The following FSTL5 variants were observed in gnomAD, a reference collection of about 807,000 sequenced individuals.
FSTL5 encodes the protein follistatin like 5.
FSTL5 carries 62 observed loss-of-function variants against 89.1 expected under a neutral mutation model. The observed-to-expected ratio is 0.70, with a 90% confidence interval of 0.57 to 0.86. The LOEUF (loss-of-function observed/expected upper bound fraction) is 0.86. Ranked by LOEUF, FSTL5 falls within the 40% of genes least tolerant of loss-of-function variation. FSTL5 has a pLI of 0.00. For missense variants in FSTL5, 1,057 were observed against 1,001.6 expected (o/e 1.06, Z -0.75); for synonymous variants, 383 against 346.2 (o/e 1.11, Z -1.18).
chr4:162,153,209 C>T (rs993849638), intron 1 of FSTL5, among the ~76,000 whole-genome samples: 6 of 152,028 alleles, frequency 3.9e-5, no homozygotes, highest in Non-Finnish European at 8.8e-5. Flanking sequence ...TTACTAATGT[C>T]ATGTCTTCTC....
intron 12 of FSTL5, among the ~76,000 whole-genome samples, chr4:161,485,434 G>C (rs557481427): frequency 6.6e-6 from 1 of 152,294 alleles, no homozygotes; most frequent in African/African-American, 2.4e-5. Flanking sequence ...CTATGGCTTT[G>C]TCATTCACCA....
At chr4:162,139,783 T>C (rs1732654878) in intron 1 of FSTL5, among the ~76,000 whole-genome samples, 1 of 152,024 alleles carries the variant, frequency 6.6e-6, no homozygotes. Context: ...GGAACAAAAG[T>C]CACACATCAT....
intron 4 of FSTL5, among the ~76,000 whole-genome samples, chr4:161,872,321 C>T (rs1732299605): frequency 6.6e-6 from 1 of 151,938 alleles, no homozygotes; most frequent in African/African-American, 2.4e-5. Context: ...AATTTCACAA[C>T]TACGTATTTT....
At chr4:161,995,919 A>G (rs1485120494) in intron 3 of FSTL5, among the ~76,000 whole-genome samples, 1 of 152,080 alleles carries the variant, frequency 6.6e-6, no homozygotes, top group Non-Finnish European at 1.5e-5. Flanking sequence ...CTCTCCAGAA[A>G]GTACCATCAG....
At chr4:161,875,277 T>C (rs1732406494) in intron 4 of FSTL5, among the ~76,000 whole-genome samples, 1 of 152,206 alleles carries the variant, frequency 6.6e-6, no homozygotes, top group Non-Finnish European at 1.5e-5. Flanking sequence ...CTTGAGTTTT[T>C]ATGCAGGGCA....
intron 7 of FSTL5, among the ~76,000 whole-genome samples, chr4:161,610,962 C>G (rs1734612475): frequency 6.6e-6 from 1 of 151,238 alleles, no homozygotes; most frequent in African/African-American, 2.4e-5. Flanking sequence ...AAAATGGCCA[C>G]CACAATTAAA....
intron 4 of FSTL5, among the ~76,000 whole-genome samples, chr4:161,782,093 G>A (rs537285553): frequency 3.9e-5 from 6 of 152,094 alleles, no homozygotes; most frequent in South Asian, 2.1e-4. Flanking sequence ...TTTTAGAACC[G>A]AATAATATTC....
intron 3 of FSTL5, among the ~76,000 whole-genome samples, chr4:161,997,982 T>C (rs571099512): frequency 6.6e-6 from 1 of 152,292 alleles, no homozygotes; most frequent in South Asian, 2.1e-4. Context: ...TACCAGCTTC[T>C]GACAGTCAAG....
chr4:162,094,716 T>C (rs940081613), intron 2 of FSTL5, among the ~76,000 whole-genome samples: 4 of 152,160 alleles, frequency 2.6e-5, no homozygotes, highest in African/African-American at 9.6e-5. Flanking sequence ...CCTCAGAAGA[T>C]GGTATTTCAA....
chr4:161,852,674 C>T (rs986673942), intron 4 of FSTL5, among the ~76,000 whole-genome samples: 7 of 152,064 alleles, frequency 4.6e-5, no homozygotes, highest in Non-Finnish European at 8.8e-5. Flanking sequence ...ATGTTTATTA[C>T]AGCACTATTC....
chr4:161,518,083 A>G (rs1308549016), intron 10 of FSTL5, among the ~76,000 whole-genome samples: 1 of 152,200 alleles, frequency 6.6e-6, no homozygotes, highest in Non-Finnish European at 1.5e-5. Flanking sequence ...TCATATGCCA[A>G]ATTTAAAGCC....
intron 7 of FSTL5, among the ~76,000 whole-genome samples, chr4:161,613,179 G>A (rs1012740198): frequency 2.0e-5 from 3 of 152,242 alleles, no homozygotes; most frequent in Non-Finnish European, 2.9e-5. Context: ...GCAGCCAGGC[G>A]CGGTGGTTCA....
intron 13 of FSTL5, among the ~76,000 whole-genome samples, chr4:161,473,545 C>A (rs536636179): frequency 2.0e-5 from 3 of 151,544 alleles, no homozygotes; most frequent in Admixed American, 1.3e-4. Context: ...CCACATCACT[C>A]AGCTTCCCAA....
chr4:161,672,867 A>G (rs1737167982), intron 6 of FSTL5, among the ~76,000 whole-genome samples: 1 of 152,048 alleles, frequency 6.6e-6, no homozygotes, highest in African/African-American at 2.4e-5. Context: ...CTTTTCTACA[A>G]ATGAATAGAC....
intron 6 of FSTL5, among the ~76,000 whole-genome samples, chr4:161,698,586 A>G (rs34134684): frequency 0.54 from 81,666 of 152,064 alleles, 25,587 homozygotes; most frequent in East Asian, 0.7. Context: ...AATTCACAGC[A>G]TTAATGAAAG....
chr4:161,518,520 A>G (rs1395656410), intron 10 of FSTL5, among the ~76,000 whole-genome samples: 2 of 152,132 alleles, frequency 1.3e-5, no homozygotes, highest in African/African-American at 4.8e-5. Flanking sequence ...CTGGGTTCTG[A>G]ATGTGGATGC....
intron 7 of FSTL5, among the ~76,000 whole-genome samples, chr4:161,622,562 T>C (rs906549650): frequency 1.3e-4 from 20 of 151,922 alleles, no homozygotes; most frequent in South Asian, 2.1e-4. Flanking sequence ...TATGTGTATA[T>C]ATATATATAA....
chr4:161,639,430 C>T (rs1040281458), intron 7 of FSTL5, among the ~76,000 whole-genome samples: 11 of 152,086 alleles, frequency 7.2e-5, no homozygotes, highest in African/African-American at 1.2e-4. Context: ...TATTTAATTA[C>T]ATTATCATCT....
In FSTL5 at chr4:161,601,841, G is replaced by A. The variant is rs537775404; in HGVS notation, c.895-14266C>T. Among the ~76,000 whole-genome samples the A allele has an allele frequency of 2.6e-5, 4 of 152,110 alleles. No homozygotes were observed. In the South Asian group the frequency reaches 8.3e-4, roughly 32 times the overall value. Reference sequence around the variant, plus strand: ...CAATGAAGATCTCCCAGAAAAAGAGGCATGCCTACTTCCAGGCATAAACAC... The same window carrying A: ...CAATGAAGATCTCCCAGAAAAAGAGACATGCCTACTTCCAGGCATAAACAC... On this transcript the variant is annotated intron_variant, in intron 7 of 15. Transcript: ENST00000306100.
Sources: allele counts gnomAD v4.1 joint callset (sites outside exome capture counted in the v4.1 genomes callset), GRCh38; gene constraint gnomAD v4.1.1; transcripts MANE v1.5; gene names NCBI Gene and HGNC (gene_info 2026-07-23, HGNC 2026-07-21).